Variants in VPS50 observed in about 807,000 individuals in gnomAD.
VPS50 encodes the protein syndetin.
A neutral mutation model predicts 139.7 loss-of-function variants in VPS50; 70 were observed. That is an observed-to-expected ratio of 0.50 (90% CI 0.41 to 0.61). The LOEUF is 0.61. Among genes scored for constraint, VPS50 ranks in the 20% least tolerant of loss-of-function variants. The pLI is 0.00. For missense variants in VPS50, 921 were observed against 1,133.7 expected (o/e 0.81, Z 2.69); for synonymous variants, 365 against 376.7 (o/e 0.97, Z 0.36).
Position 93,311,257 on chromosome 7 carries a change from G to A in VPS50, c.1840G>A (p.Val614Ile), listed in dbSNP as rs766330936. 1.4e-5 allele frequency: 17 copies of A among 1,209,684 alleles called. No homozygotes were observed. Among genetic ancestry groups the A allele is most frequent in the African/African-American group, 7.5e-5 (5 of 67,016 alleles). 74.9% of individuals were successfully genotyped at this position (1,209,684 alleles called of 1,614,324 possible). Residue 614 changes from valine to isoleucine, a missense_variant, in exon 20 of 28, where the codon GTC becomes ATC. Physicochemically the swap from Val to Ile is conservative, Grantham distance 29. This residue lies in a region of VPS50 where 744 missense variants were observed against 930.6 expected (regional missense o/e 0.80). Coordinates refer to ENST00000305866, the MANE Select transcript of VPS50 (RefSeq NM_017667.4). The stretch of plus-strand genomic sequence containing the variant: ...TATCTTAACAAATACAACATTGAAC[G>A]TCATAAGACTTGTTGGTAAGTAGCT... The part of the protein sequence containing the change: ...APILTNTTLN[V>I]IRLVGKYMQM...
In VPS50 at chr7:93,353,491, A is replaced by T. The variant is rs1798614447; in HGVS notation, c.2464-149A>T. On this transcript the variant is annotated intron_variant, in intron 25 of 27. Transcript: ENST00000305866. ...ATATGTTTTTAAGGCCTTCATACTA[A>T]GTCCAAATTATCTTTGGCATTATCT... 6 of 823,116 alleles carry T rather than the reference A, an allele frequency of 7.3e-6. No individual in the cohort carries two copies. The South Asian group carries it at 8.8e-5, about 12-fold the overall frequency. The allele number at this position is 823,116 out of a possible 1,614,324, so 51.0% of individuals were successfully genotyped here. A position where few individuals can be genotyped will look rare whatever the true frequency, so the allele number is the denominator to read the frequency against.
chr7:93,277,004 G>T (rs1267431160), intron 12 of VPS50, among the ~76,000 whole-genome samples: 1 of 152,144 alleles, frequency 6.6e-6, no homozygotes, highest in Non-Finnish European at 1.5e-5. Context: ...GATCAGGGCT[G>T]AGTTTGTAAA....
intron 1 of VPS50, among the ~76,000 whole-genome samples, chr7:93,236,677 A>G (rs1794809389): frequency 6.6e-6 from 1 of 152,048 alleles, no homozygotes; most frequent in African/African-American, 2.4e-5. Context: ...CTTTAGAGAG[A>G]TGAAGATAAA....
At chr7:93,267,316 C>T (rs1795870523) in intron 9 of VPS50, among the ~76,000 whole-genome samples, 1 of 152,126 alleles carries the variant, frequency 6.6e-6, no homozygotes, top group African/African-American at 2.4e-5. Flanking sequence ...TTAACTCTTA[C>T]TCATCTCTCT....
At chr7:93,296,898 G>C (rs1796827285) in intron 15 of VPS50, 62 bp downstream of exon 15, 3 of 1,515,426 alleles carry the variant, frequency 2.0e-6, no homozygotes, top group Non-Finnish European at 2.6e-6. Context: ...TAAATCATGA[G>C]CTAGTGAGTT....
At chr7:93,346,736 A>G (rs1325551396) in intron 23 of VPS50, among the ~76,000 whole-genome samples, 2 of 144,224 alleles carry the variant, frequency 1.4e-5, no homozygotes, top group African/African-American at 5.4e-5. Context: ...AGGATTCCCT[A>G]TTTAATAAAT....
intron 12 of VPS50, among the ~76,000 whole-genome samples, chr7:93,291,231 A>G (rs375857281): frequency 2.9e-4 from 44 of 152,250 alleles, no homozygotes; most frequent in African/African-American, 1.1e-3. Flanking sequence ...TATCTATTCC[A>G]TACGATTTTA....
chr7:93,322,599 CAAAAAA>C (rs71528064), intron 20 of VPS50, among the ~76,000 whole-genome samples: 2 of 66,166 alleles, frequency 3.0e-5, no homozygotes, highest in African/African-American at 5.6e-5. Flanking sequence ...GACTCCGTCT[CAAAAAA>C]AAAAAAAAAA....
chr7:93,300,577 A>G (rs1020380344), intron 16 of VPS50, among the ~76,000 whole-genome samples: 1 of 152,158 alleles, frequency 6.6e-6, no homozygotes, highest in Non-Finnish European at 1.5e-5. Flanking sequence ...TAATTTAGCA[A>G]TTGACAGAAT....
chr7:93,254,115 T>C (rs568670566), intron 4 of VPS50, among the ~76,000 whole-genome samples, 184 bp downstream of exon 4: 6 of 152,252 alleles, frequency 3.9e-5, no homozygotes, highest in Admixed American at 6.5e-5. Flanking sequence ...GTTTTCCTTA[T>C]GTTACCTTGG....
At chr7:93,267,432 G>C (rs552956729) in intron 9 of VPS50, among the ~76,000 whole-genome samples, 1 of 152,238 alleles carries the variant, frequency 6.6e-6, no homozygotes, top group Non-Finnish European at 1.5e-5. Context: ...GTAGAGAATA[G>C]GGGCTAATGG....
At chr7:93,238,574 G>C (rs1794887919) in intron 1 of VPS50, among the ~76,000 whole-genome samples, 1 of 152,108 alleles carries the variant, frequency 6.6e-6, no homozygotes, top group Admixed American at 6.5e-5. Flanking sequence ...TTTGGCTGAG[G>C]TATTGTCTTG....
At chr7:93,278,820 CGTATAT>C (rs1796240564) in intron 12 of VPS50, among the ~76,000 whole-genome samples, 1 of 151,404 alleles carries the variant, frequency 6.6e-6, no homozygotes, top group Admixed American at 6.6e-5. Flanking sequence ...TACACACACA[CGTATAT>C]GTATATCTAT....
rs1334418795 is a variant in VPS50, at chr7:93,336,833, T to C, written c.2058+2636T>C. 4.5e-5 allele frequency among the ~76,000 whole-genome samples: 5 copies of C among 112,074 alleles called. 1 individual carries two copies. Among genetic ancestry groups the C allele is most frequent in the South Asian group, 5.1e-4 (2 of 3,922 alleles). The allele number at this position is 112,074 out of a possible 152,430, so 73.5% of individuals were successfully genotyped here. A position where few individuals can be genotyped will look rare whatever the true frequency, so the allele number is the denominator to read the frequency against. On this transcript the variant is annotated intron_variant, in intron 22 of 27. Coordinates refer to ENST00000305866, the MANE Select transcript of VPS50 (RefSeq NM_017667.4). ...GGGCCTTTAGCCAACTTTAAATCTT[T>C]GATAATAAAAAGTATTTTAAATTTG... is the stretch of plus-strand genomic sequence containing the variant.
At chr7:93,262,329 A>G (rs995444137) in intron 9 of VPS50, among the ~76,000 whole-genome samples, 4 of 152,182 alleles carry the variant, frequency 2.6e-5, no homozygotes, top group African/African-American at 9.6e-5. Context: ...AGAAATTCTT[A>G]TTTGGGCTTT....
intron 21 of VPS50, among the ~76,000 whole-genome samples, chr7:93,330,515 A>G (rs183328839): frequency 1.2e-4 from 19 of 152,264 alleles, no homozygotes; most frequent in Admixed American, 1.0e-3. Flanking sequence ...GCACTTTGGG[A>G]GGCTGAGGTG....
At chr7:93,246,269 ACTTTC>A (rs1795151028) in intron 2 of VPS50, 2 of 648,868 alleles carry the variant, frequency 3.1e-6, no homozygotes, top group African/African-American at 3.7e-5. Flanking sequence ...AAATTTCTCC[ACTTTC>A]CTTCTCAACA....
intron 8 of VPS50, among the ~76,000 whole-genome samples, chr7:93,258,663 C>T (rs544623059): frequency 6.6e-6 from 1 of 152,024 alleles, no homozygotes; most frequent in Non-Finnish European, 1.5e-5. Flanking sequence ...GTCCAAATAG[C>T]AATAAAAATT....
chr7:93,339,587 A>G (rs1417419385), intron 22 of VPS50, among the ~76,000 whole-genome samples: 1 of 152,120 alleles, frequency 6.6e-6, no homozygotes, highest in Non-Finnish European at 1.5e-5. Flanking sequence ...GGGTTTTTTA[A>G]AGCTATTTTA....
Sources: allele counts gnomAD v4.1 joint callset (sites outside exome capture counted in the v4.1 genomes callset), GRCh38; gene constraint gnomAD v4.1.1; regional missense constraint gnomAD v4.1.1; transcripts MANE v1.5; gene names NCBI Gene and HGNC (gene_info 2026-07-23, HGNC 2026-07-21).